Variants in SLC35F5 observed in about 807,000 individuals in gnomAD.
SLC35F5 encodes solute carrier family 35 member F5.
In SLC35F5, 54 loss-of-function variants were observed where a neutral mutation model predicts 68.6. The ratio of observed to expected loss-of-function variants is 0.79; its 90% CI spans 0.63 to 0.99. SLC35F5 has a LOEUF of 0.99. Among genes scored for constraint, SLC35F5 ranks in the 50% least tolerant of loss-of-function variants. The pLI is 0.00. For missense variants in SLC35F5, 567 were observed against 626.9 expected (o/e 0.90, Z 1.02); for synonymous variants, 211 against 205.2 (o/e 1.03, Z -0.24).
chr2:113,750,736 G>T (rs1465221742), intron 3 of SLC35F5, among the ~76,000 whole-genome samples, 168 bp from the exon 4 acceptor site: 1 of 152,128 alleles, frequency 6.6e-6, no homozygotes, highest in South Asian at 2.1e-4. Context: ...AGACTGTATC[G>T]GCCTTGCACA....
At chr2:113,734,956 A>G (rs547105207) in intron 8 of SLC35F5, among the ~76,000 whole-genome samples, 1 of 152,356 alleles carries the variant, frequency 6.6e-6, no homozygotes, top group East Asian at 1.9e-4. Context: ...TCTTATTCAG[A>G]GTAACATGCT....
At position 113,734,691 on chromosome 2, in the gene SLC35F5, T is replaced by A. The variant is rs1386489630; in HGVS notation, c.833-18A>T. 1 of 1,487,638 alleles carries A rather than the reference T, an allele frequency of 6.7e-7. No individual in the cohort carries two copies. The highest frequency in any genetic ancestry group is 1.4e-5 in the African/African-American group (1 of 71,446). The allele number at this position is 1,487,638 out of a possible 1,614,324, so 92.2% of individuals were successfully genotyped here. ...AAAAAGTCCTATGAGGAGAAAAGAA[T>A]TTAAAAATGGTACATGAGTTTAAAT... On this transcript the variant is annotated intron_variant, in intron 8 of 15. Coordinates refer to ENST00000245680, the MANE Select transcript of SLC35F5 (RefSeq NM_025181.5).
downstream of SLC35F5, among the ~76,000 whole-genome samples, chr2:113,704,847 G>A (rs1375678838): frequency 6.6e-6 from 1 of 152,196 alleles, no homozygotes; most frequent in African/African-American, 2.4e-5. Context: ...CCAGGAAGGG[G>A]CTCCCACAGT....
At chr2:113,735,574 A>T (rs10209098) in intron 8 of SLC35F5, among the ~76,000 whole-genome samples, 19 of 152,128 alleles carry the variant, frequency 1.2e-4, no homozygotes, top group Non-Finnish European at 2.8e-4. Flanking sequence ...GACCACCATC[A>T]TATATGCAGT....
chr2:113,715,494 T>G (rs1004261910), intron 15 of SLC35F5, among the ~76,000 whole-genome samples: 3 of 152,182 alleles, frequency 2.0e-5, no homozygotes, highest in Non-Finnish European at 4.4e-5. Flanking sequence ...TATTCTACTC[T>G]ATTGCAATCC....
At chr2:113,727,043 T>C (rs1270859517) in intron 11 of SLC35F5, among the ~76,000 whole-genome samples, 2 of 152,176 alleles carry the variant, frequency 1.3e-5, no homozygotes, top group East Asian at 3.9e-4. Flanking sequence ...GGGAGGGACC[T>C]GGTGGGAAGT....
chr2:113,715,173 C>T lies in SLC35F5; in HGVS notation c.*45G>A, dbSNP rs1004397733. ...AAAAACTTGCCAGAGATTGTCTCTT[C>T]GCTGTATAGTTCCATTATCAAGCTA... On this transcript the variant is annotated 3_prime_UTR_variant, in exon 16 of 16. Transcript: ENST00000245680. The T allele has an allele frequency of 7.9e-5, 12 of 152,246 alleles. No homozygotes were observed. Among genetic ancestry groups the T allele is most frequent in the South Asian group, 2.1e-4 (1 of 4,830 alleles). 9.4% of individuals were successfully genotyped at this position (152,246 alleles called of 1,614,324 possible). A position where few individuals can be genotyped will look rare whatever the true frequency, so the allele number is the denominator to read the frequency against.
intron 5 of SLC35F5, among the ~76,000 whole-genome samples, chr2:113,744,267 T>A (rs1460905514): frequency 6.6e-6 from 1 of 152,160 alleles, no homozygotes; most frequent in African/African-American, 2.4e-5. Context: ...AACAAACTGA[T>A]AACCAGGTAT....
intron 7 of SLC35F5, chr2:113,742,011 T>C (rs1676296333): frequency 6.6e-6 from 1 of 152,210 alleles, no homozygotes; most frequent in African/African-American, 2.4e-5. Context: ...TGGATTAGGC[T>C]ACTTCCAATG....
Position 113,718,195 on chromosome 2 carries a change from T to C in SLC35F5, c.1497-345A>G, listed in dbSNP as rs188074054. Among the ~76,000 whole-genome samples, 267 of 152,250 alleles carry C rather than the reference T, an allele frequency of 1.8e-3. 5 individuals are homozygous for C. The highest frequency in any genetic ancestry group is 0.017 in the Admixed American group (259 of 15,290). ...AATTCCTGGGCTCAAGTGATCCTCC[T>C]ACCTCAGCCTCCCAAGTAGCTTGGG... On this transcript the variant is annotated intron_variant, in intron 14 of 15. Transcript: ENST00000245680.
intron 10 of SLC35F5, 126 bp downstream of exon 10, chr2:113,731,458 A>T (rs1687882181): frequency 3.3e-6 from 2 of 614,754 alleles, no homozygotes; most frequent in Admixed American, 2.5e-5. Flanking sequence ...TTATTTCCAA[A>T]GGAAAAGTTC....
intron 12 of SLC35F5, among the ~76,000 whole-genome samples, chr2:113,724,353 G>A (rs1417493424): frequency 1.3e-5 from 2 of 151,910 alleles, no homozygotes; most frequent in African/African-American, 4.8e-5. Flanking sequence ...AATAGTTAAG[G>A]TTAAAAAAAT....
chr2:113,739,050 A>G (rs1423585659), intron 7 of SLC35F5, among the ~76,000 whole-genome samples: 3 of 152,098 alleles, frequency 2.0e-5, no homozygotes, highest in Non-Finnish European at 2.9e-5. Flanking sequence ...GGCTCATGTT[A>G]TATTTCTATT....
Position 113,750,499 on chromosome 2 carries a change from G to A in SLC35F5, c.343C>T (p.Leu115Phe). ...FAKTSMFVLY[L>F]LGFIIWKPWR... ...GGCTTCCAAATAATAAAGCCCAAAA[G>A]GTACAAAACAAACATAGATGTTTTT... The change falls in exon 4 of 16, where the codon CTT (leucine) becomes TTT (phenylalanine). Residue 115 changes from leucine (L) to phenylalanine (F), a missense_variant. Leu to Phe is a conservative substitution (Grantham distance 22, BLOSUM62 0). Coordinates refer to ENST00000245680, the MANE Select transcript of SLC35F5 (RefSeq NM_025181.5). The A allele has an allele frequency of 6.2e-7, 1 of 1,613,498 alleles. No homozygotes were observed. The highest frequency in any genetic ancestry group is 8.5e-7 in the Non-Finnish European group (1 of 1,179,676).
intron 13 of SLC35F5, among the ~76,000 whole-genome samples, chr2:113,722,242 G>C (rs1433876544): frequency 6.6e-6 from 1 of 152,120 alleles, no homozygotes; most frequent in Non-Finnish European, 1.5e-5. Flanking sequence ...CCCAAGTGCT[G>C]GGATTACAGG....
At chr2:113,724,253 G>A (rs1687572259) in intron 12 of SLC35F5, among the ~76,000 whole-genome samples, 2 of 152,132 alleles carry the variant, frequency 1.3e-5, no homozygotes, top group African/African-American at 4.8e-5. Flanking sequence ...TAAAAAACCT[G>A]GGAGGTAGAA....
At position 113,710,706 on chromosome 2, in the gene SLC35F5, G is replaced by A. The variant is rs1686955532; in HGVS notation, c.*4512C>T. 1.3e-5 allele frequency among the ~76,000 whole-genome samples: 2 copies of A among 151,902 alleles called. No individual in the cohort carries two copies. Among genetic ancestry groups the A allele is most frequent in the African/African-American group, 4.8e-5 (2 of 41,334 alleles). ...TGGGAGGATGGCTTGAGCTTGGGAG[G>A]TTGCAGTGAGCCAAGATCCTGCCAC... is the stretch of plus-strand genomic sequence containing the variant. On this transcript the variant is annotated 3_prime_UTR_variant, in exon 16 of 16. Coordinates refer to ENST00000245680, the MANE Select transcript of SLC35F5 (RefSeq NM_025181.5).
rs1254717379 is a variant in SLC35F5 at position 113,741,594 on chromosome 2, G to A, written c.750+1098C>T. On this transcript the variant is annotated intron_variant, in intron 7 of 15. Coordinates refer to ENST00000245680, the MANE Select transcript of SLC35F5 (RefSeq NM_025181.5). Reference sequence around the variant, plus strand: ...CGCATGCCTGTAATCCCAGCTACTCGTGGGGCTGAGGCAGGAGAATTGCTT... The same window carrying A: ...CGCATGCCTGTAATCCCAGCTACTCATGGGGCTGAGGCAGGAGAATTGCTT... Among the ~76,000 whole-genome samples, 5 of 151,714 alleles carry A rather than the reference G, an allele frequency of 3.3e-5. No individual in the cohort carries two copies. In the South Asian group the frequency reaches 6.2e-4, roughly 19 times the overall value.
At chr2:113,745,167 T>A (rs1245656206) in intron 5 of SLC35F5, among the ~76,000 whole-genome samples, 1 of 152,212 alleles carries the variant, frequency 6.6e-6, no homozygotes, top group Non-Finnish European at 1.5e-5. Context: ...TAAGAATTAG[T>A]ACAAGAGTAG....
Sources: gnomAD v4.1 joint callset for allele counts (sites outside exome capture counted in the v4.1 genomes callset) on GRCh38, gnomAD v4.1.1 for gene constraint, MANE v1.5 for transcripts, NCBI Gene and HGNC (gene_info 2026-07-23, HGNC 2026-07-21) for gene names.